ERICH1: variants seen among roughly 807,000 people sequenced by gnomAD.
The protein encoded by ERICH1 is glutamate-rich protein 1.
Under a neutral mutation model 39.6 loss-of-function variants are expected in ERICH1, and 56 were observed. The ratio of observed to expected loss-of-function variants is 1.41; its 90% confidence interval spans 1.14 to 1.77. The LOEUF (loss-of-function observed/expected upper bound fraction) is 1.77, where lower values mean the gene tolerates loss of function less well. Among genes scored for constraint, ERICH1 ranks in the 40% most tolerant of loss-of-function variants. The pLI is 0.00. For missense variants in ERICH1, 826 were observed against 575.4 expected (o/e 1.44, Z -4.45); for synonymous variants, 313 against 223.6 (o/e 1.40, Z -3.57).
chr8:712,610 T>C (rs1462015494), intron 2 of ERICH1, among the ~76,000 whole-genome samples: 1 of 152,170 alleles, frequency 6.6e-6, no homozygotes, highest in Non-Finnish European at 1.5e-5. Context: ...TTTGTATTTT[T>C]AGTAGAGACG....
chr8:710,299 G>C (rs566300555), intron 2 of ERICH1, among the ~76,000 whole-genome samples: 16 of 149,790 alleles, frequency 1.1e-4, no homozygotes, highest in African/African-American at 3.9e-4. Context: ...GCATCATACA[G>C]GGCAGTTTCA....
intron 3 of ERICH1, among the ~76,000 whole-genome samples, chr8:676,773 A>G (rs1414383823): frequency 6.6e-6 from 1 of 152,218 alleles, no homozygotes; most frequent in Non-Finnish European, 1.5e-5. Context: ...CTAGAACTAT[A>G]AAGCTTGCCG....
chr8:623,646 G>T (rs12716634), intron 3 of ERICH1, among the ~76,000 whole-genome samples: 3 of 152,008 alleles, frequency 2.0e-5, no homozygotes, highest in Non-Finnish European at 4.4e-5. Context: ...CATTTTGTGT[G>T]CATGAAGAAC....
chr8:677,258 T>A (rs968880415), intron 3 of ERICH1, among the ~76,000 whole-genome samples: 1 of 152,216 alleles, frequency 6.6e-6, no homozygotes, highest in African/African-American at 2.4e-5. Context: ...CCCCTCTTCA[T>A]TGGATGTAGA....
At chr8:710,370 G>A (rs578255427) in intron 2 of ERICH1, among the ~76,000 whole-genome samples, 17 of 128,762 alleles carry the variant, frequency 1.3e-4, no homozygotes, top group African/African-American at 1.2e-4. Context: ...CGTACGGGGC[G>A]GTTTCACCGT....
intron 3 of ERICH1, 101 bp from the exon 4 acceptor site, chr8:674,148 GAA>G (rs987604291): frequency 7.4e-7 from 1 of 1,343,764 alleles, no homozygotes; most frequent in Non-Finnish European, 9.9e-7. Flanking sequence ...AGTTTTAGTA[GAA>G]AAAGAGTTTA....
intron 3 of ERICH1, among the ~76,000 whole-genome samples, chr8:633,036 G>A (rs112624630): frequency 1.1e-3 from 162 of 152,348 alleles, no homozygotes; most frequent in African/African-American, 3.8e-3. Context: ...GCTGCTGGTG[G>A]CCTGAGAAAC....
Position 715,938 on chromosome 8 carries a change from T to G in ERICH1, c.92A>C (p.Gln31Pro). The G allele has an allele frequency of 6.2e-7, 1 of 1,613,992 alleles. No homozygotes were observed. ...TGGTGGATTTTGGACGGCCAGCGTC[T>G]GGGGTTCCCTCTTTCCTTGGCCACT... Reference protein sequence around the residue: ...VPSGQGKREPQTLAVQNPPKK... With the variant: ...VPSGQGKREPPTLAVQNPPKK... The change falls in exon 2 of 6, where the codon CAG (glutamine) becomes CCG (proline). Residue 31 changes from glutamine (Q) to proline (P), a missense_variant. Coordinates refer to ENST00000262109, the MANE Select transcript of ERICH1 (RefSeq NM_207332.3).
intron 3 of ERICH1, among the ~76,000 whole-genome samples, chr8:690,517 G>C (rs575413927): frequency 6.6e-6 from 1 of 152,400 alleles, no homozygotes; most frequent in South Asian, 2.1e-4. Context: ...GGCGCAGCAA[G>C]TGCCGCTGCG....
chr8:626,905 C>A (rs556276508), intron 3 of ERICH1: 150 of 321,396 alleles, frequency 4.7e-4, no homozygotes, highest in African/African-American at 3.0e-3. Flanking sequence ...TCATTCTTGC[C>A]TAGAGTAAGG....
chr8:715,229 G>T (rs1307463723), intron 2 of ERICH1, among the ~76,000 whole-genome samples: 1 of 152,122 alleles, frequency 6.6e-6, no homozygotes, highest in Non-Finnish European at 1.5e-5. Flanking sequence ...CTCTCAGTAG[G>T]ATGTGCCGCA....
chr8:630,255 C>G lies in ERICH1; in HGVS notation c.977-14971G>C, dbSNP rs1160190887. Among the ~76,000 whole-genome samples the G allele has an allele frequency of 5.7e-5, 7 of 122,604 alleles. 1 individual carries two copies. Among genetic ancestry groups the G allele is most frequent in the African/African-American group, 9.6e-5 (3 of 31,140 alleles). The allele number at this position is 122,604 out of a possible 152,430, so 80.4% of individuals were successfully genotyped here. On this transcript the variant is annotated intron_variant, in intron 3 of 3. Coordinates refer to the ERICH1 transcript ENST00000522706. ...CCACACAGACAGAGCTGACTCACACCCTCCCGTGACCACCCACAGGCAGAG... is the reference window on the plus strand; with the variant it reads ...CCACACAGACAGAGCTGACTCACACGCTCCCGTGACCACCCACAGGCAGAG...
intron 3 of ERICH1, among the ~76,000 whole-genome samples, chr8:616,784 G>GACAA (rs774274279): frequency 9.2e-6 from 1 of 109,092 alleles, no homozygotes; most frequent in Non-Finnish European, 1.8e-5. Flanking sequence ...GAGGGAGAGG[G>GACAA]AGAGAGATGG....
In ERICH1 at chr8:700,245, G is replaced by A. The variant is rs924605139; in HGVS notation, c.170-7633C>T. On this transcript the variant is annotated intron_variant, in intron 2 of 5. Coordinates refer to ENST00000262109, the MANE Select transcript of ERICH1 (RefSeq NM_207332.3). ...CGCACACGCGCACAGGCCCGCACAG[G>A]CCCGCACACGCGCACAGGCCCGCAC... Among the ~76,000 whole-genome samples the A allele has an allele frequency of 6.5e-4, 28 of 42,798 alleles. 1 individual carries two copies. Among genetic ancestry groups the A allele is most frequent in the East Asian group, 2.6e-3 (2 of 760 alleles). 28.1% of individuals were successfully genotyped at this position (42,798 alleles called of 152,430 possible). A position where few individuals can be genotyped will look rare whatever the true frequency, so the allele number is the denominator to read the frequency against.
At chr8:653,971 A>G (rs1800296792) in intron 3 of ERICH1, among the ~76,000 whole-genome samples, 1 of 152,180 alleles carries the variant, frequency 6.6e-6, no homozygotes, top group South Asian at 2.1e-4. Flanking sequence ...GGTGGCACTG[A>G]GCAGAGGTCC....
At chr8:622,435 T>C (rs539712679) in intron 3 of ERICH1, among the ~76,000 whole-genome samples, 1 of 152,204 alleles carries the variant, frequency 6.6e-6, no homozygotes, top group South Asian at 2.1e-4. Flanking sequence ...TTCTGCTACG[T>C]TGAGGATGCA....
intron 3 of ERICH1, among the ~76,000 whole-genome samples, chr8:624,363 C>A (rs534911414): frequency 5.9e-5 from 9 of 152,240 alleles, no homozygotes; most frequent in African/African-American, 2.2e-4. Flanking sequence ...AGCAATTTCC[C>A]AAAAAGGTGA....
chr8:624,385 C>T (rs1797475859), intron 3 of ERICH1, among the ~76,000 whole-genome samples: 1 of 152,222 alleles, frequency 6.6e-6, no homozygotes. Flanking sequence ...CACAGAGTCA[C>T]CACACGAACC....
rs527388597 is a variant in ERICH1 at position 627,822 on chromosome 8, C to G, written c.977-12538G>C. ...CTGTGTGGTCATAGCAAAGAGCCAG[C>G]AAGGGTCTGACAGGCTGGGGAGCCC... On this transcript the variant is annotated intron_variant, in intron 3 of 3. Coordinates refer to the ERICH1 transcript ENST00000522706. Among the ~76,000 whole-genome samples the G allele has an allele frequency of 3.0e-4, 46 of 152,308 alleles. 1 individual carries two copies. Among genetic ancestry groups the G allele is most frequent in the South Asian group, 1.7e-3 (8 of 4,824 alleles).
Sources: allele counts gnomAD v4.1 joint callset (sites outside exome capture counted in the v4.1 genomes callset), GRCh38; gene constraint gnomAD v4.1.1; transcripts MANE v1.5; gene names NCBI Gene and HGNC (gene_info 2026-07-23, HGNC 2026-07-21).